The following KLHL20 variants were observed in gnomAD, a reference collection of about 807,000 sequenced individuals.
KLHL20 encodes the protein kelch like family member 20, also known as kelch-like protein 20.
Under a neutral mutation model 69.5 loss-of-function variants are expected in KLHL20, and 29 were observed. That is an observed-to-expected ratio of 0.42 (90% confidence interval 0.31 to 0.57). KLHL20 has a LOEUF of 0.57. Ranked by LOEUF, KLHL20 falls within the 20% of genes least tolerant of loss-of-function variation. The pLI is 0.18. For missense variants in KLHL20, 419 were observed against 776.0 expected (o/e 0.54, Z 5.47); for synonymous variants, 253 against 265.2 (o/e 0.95, Z 0.45).
At chr1:173,784,451 G>C (rs1649078180) in intron 11 of KLHL20, among the ~76,000 whole-genome samples, 1 of 152,158 alleles carries the variant, frequency 6.6e-6, no homozygotes, top group African/African-American at 2.4e-5. Flanking sequence ...CTGAGGACTT[G>C]TTTCTTAGTA....
chr1:173,721,061 A>C (rs557792663), intron 2 of KLHL20, among the ~76,000 whole-genome samples: 51 of 152,316 alleles, frequency 3.3e-4, no homozygotes, highest in African/African-American at 1.2e-3. Context: ...TGCTGAGGAC[A>C]GAACTGTAGT....
At chr1:173,735,836 G>C (rs901629798) in intron 3 of KLHL20, among the ~76,000 whole-genome samples, 2 of 151,662 alleles carry the variant, frequency 1.3e-5, no homozygotes, top group Non-Finnish European at 2.9e-5. Flanking sequence ...CCACTTATAA[G>C]TGAGAACATA....
At chr1:173,757,190 T>C in intron 7 of KLHL20, 31 bp downstream of exon 7, 1 of 1,541,072 alleles carries the variant, frequency 6.5e-7, no homozygotes, top group South Asian at 1.2e-5. Flanking sequence ...ATTTTCTCTC[T>C]ACTATTCATA....
At chr1:173,784,011 G>A (rs1227654557) in intron 11 of KLHL20, among the ~76,000 whole-genome samples, 3 of 151,284 alleles carry the variant, frequency 2.0e-5, no homozygotes, top group Admixed American at 2.0e-4. Flanking sequence ...CCCAGAAGGT[G>A]GAGGTTGCAG....
At chr1:173,742,921 C>T (rs1672886292) in intron 3 of KLHL20, among the ~76,000 whole-genome samples, 1 of 151,480 alleles carries the variant, frequency 6.6e-6, no homozygotes, top group Non-Finnish European at 1.5e-5. Context: ...GGTTTGATTG[C>T]ATAAAAGTTA....
At position 173,718,482 on chromosome 1, in the gene KLHL20, T is replaced by G. The variant is rs1671559920; in HGVS notation, c.23+2416T>G. 2.0e-5 allele frequency among the ~76,000 whole-genome samples: 3 copies of G among 151,508 alleles called. No homozygotes were observed. In the South Asian group the frequency reaches 6.2e-4, roughly 32 times the overall value. On this transcript the variant is annotated intron_variant, in intron 2 of 11. Coordinates refer to ENST00000209884, the MANE Select transcript of KLHL20 (RefSeq NM_014458.4). ...ATCACTTGAGTCTGGGAGGCAGAGA[T>G]TGCAGTTAAGCCGTGATCATACCAT...
chr1:173,765,498 G>A (rs564455854), intron 7 of KLHL20, among the ~76,000 whole-genome samples: 12 of 149,096 alleles, frequency 8.0e-5, no homozygotes, highest in African/African-American at 2.7e-4. Context: ...GCGAGACTCC[G>A]TCTCAAAAAA....
intron 3 of KLHL20, among the ~76,000 whole-genome samples, chr1:173,736,293 G>GTA (rs1217165449): frequency 6.6e-6 from 1 of 151,932 alleles, no homozygotes; most frequent in Non-Finnish European, 1.5e-5. Flanking sequence ...GTATTCTGTG[G>GTA]TATATATACA....
chr1:173,753,254 C>T lies in KLHL20; in HGVS notation c.798C>T (p.Phe266=). ...HVRLPLLSPK[F]LVGTVGSDPL... Reference sequence around the variant, plus strand: ...GTTTGCCTTTGCTTAGTCCCAAGTTCCTGGTCGGCACAGTAGGCTCTGATC... The same window carrying T: ...GTTTGCCTTTGCTTAGTCCCAAGTTTCTGGTCGGCACAGTAGGCTCTGATC... Residue 266 remains phenylalanine (F), a synonymous_variant, in exon 5 of 12, where the codon TTC becomes TTT. Coordinates refer to ENST00000209884, the MANE Select transcript of KLHL20 (RefSeq NM_014458.4). 2 of 1,614,044 alleles carry T rather than the reference C, an allele frequency of 1.2e-6. No homozygotes were observed. The highest frequency in any genetic ancestry group is 2.2e-5 in the East Asian group (1 of 44,872).
chr1:173,728,299 C>CT (rs1338047992), intron 2 of KLHL20, among the ~76,000 whole-genome samples: 1 of 152,190 alleles, frequency 6.6e-6, no homozygotes, highest in Non-Finnish European at 1.5e-5. Context: ...TAATGGGAGA[C>CT]TTTAACACCC....
At chr1:173,729,487 A>C (rs1672148190) in intron 2 of KLHL20, among the ~76,000 whole-genome samples, 1 of 152,228 alleles carries the variant, frequency 6.6e-6, no homozygotes, top group African/African-American at 2.4e-5. Flanking sequence ...AAATACTGGC[A>C]AACCGAATCC....
chr1:173,770,975 G>A (rs1306101283), intron 8 of KLHL20, among the ~76,000 whole-genome samples: 1 of 151,966 alleles, frequency 6.6e-6, no homozygotes, highest in African/African-American at 2.4e-5. Flanking sequence ...AAATTCCTTA[G>A]ACATCTACAA....
intron 3 of KLHL20, among the ~76,000 whole-genome samples, chr1:173,742,908 ATTGGT>A (rs1015229351): frequency 6.6e-6 from 1 of 151,872 alleles, no homozygotes; most frequent in African/African-American, 2.4e-5. Context: ...CCATAAAAAG[ATTGGT>A]TTGATTGCAT....
chr1:173,756,133 T>A (rs1399588771), intron 6 of KLHL20, 95 bp downstream of exon 6: 1 of 830,038 alleles, frequency 1.2e-6, no homozygotes, highest in African/African-American at 1.7e-5. Context: ...ATATTTACTG[T>A]CATAAGACAC....
intron 2 of KLHL20, among the ~76,000 whole-genome samples, chr1:173,727,823 T>G (rs972062344): frequency 6.6e-6 from 1 of 152,122 alleles, no homozygotes; most frequent in African/African-American, 2.4e-5. Context: ...CCATCAAGGC[T>G]AGGAAGAAAC....
chr1:173,723,118 C>A (rs939413825), intron 2 of KLHL20, among the ~76,000 whole-genome samples: 1 of 152,190 alleles, frequency 6.6e-6, no homozygotes, highest in African/African-American at 2.4e-5. Flanking sequence ...AAGGTTGTGA[C>A]AATAACACTT....
In KLHL20 at chr1:173,734,142, A is replaced by T. The variant is rs765227995; in HGVS notation, c.453A>T (p.Ala151=). The T allele has an allele frequency of 6.2e-7, 1 of 1,614,248 alleles. No homozygotes were observed. Among genetic ancestry groups the T allele is most frequent in the Non-Finnish European group, 8.5e-7 (1 of 1,180,040 alleles). Residue 151 remains alanine, a synonymous_variant, in exon 3 of 12, where the codon GCA becomes GCT. Transcript: ENST00000209884. ...LLPAACLLQL[A]EIQEACCEFL... ...CAGCTGCTTGCCTCCTCCAGCTGGC[A>T]GAAATACAGGAAGCCTGCTGTGAAT...
intron 2 of KLHL20, among the ~76,000 whole-genome samples, chr1:173,729,244 C>CA (rs974892675): frequency 3.9e-5 from 6 of 152,084 alleles, no homozygotes; most frequent in African/African-American, 9.6e-5. Context: ...GCTTACCAAC[C>CA]AAAAAAAGTC....
intron 2 of KLHL20, 60 bp from the exon 3 acceptor site, chr1:173,733,653 G>A: frequency 1.5e-6 from 2 of 1,302,152 alleles, no homozygotes; most frequent in Non-Finnish European, 2.1e-6. Context: ...AACATTTAAG[G>A]GGAGAAAAGA....
Sources: gnomAD v4.1 joint callset for allele counts (sites outside exome capture counted in the v4.1 genomes callset) on GRCh38, gnomAD v4.1.1 for gene constraint, MANE v1.5 for transcripts, NCBI Gene and HGNC (gene_info 2026-07-23, HGNC 2026-07-21) for gene names.